The following SLC25A21 variants were observed in gnomAD, a reference collection of about 807,000 sequenced individuals.
The protein encoded by SLC25A21 is solute carrier family 25 member 21, also known as mitochondrial 2-oxodicarboxylate carrier.
Under a neutral mutation model 43.8 loss-of-function variants are expected in SLC25A21, and 47 were observed. The ratio of observed to expected loss-of-function variants is 1.07; its 90% CI spans 0.85 to 1.37. The LOEUF (loss-of-function observed/expected upper bound fraction) is 1.37, where lower values mean the gene tolerates loss of function less well. Among genes scored for constraint, SLC25A21 ranks in the 40% most tolerant of loss-of-function variants. The pLI is 0.00. For synonymous variants in SLC25A21, 131 were observed against 121.3 expected (o/e 1.08, Z -0.52); for missense variants, 352 against 350.2 (o/e 1.00, Z -0.04).
chr14:37,160,653 G>C (rs565746971), intron 1 of SLC25A21, among the ~76,000 whole-genome samples: 2 of 152,158 alleles, frequency 1.3e-5, no homozygotes, highest in African/African-American at 4.8e-5. Context: ...ATTCAGGCCA[G>C]GTGCGGTGGC....
At chr14:36,889,258 C>A (rs964966754) in intron 1 of SLC25A21, among the ~76,000 whole-genome samples, 3 of 152,166 alleles carry the variant, frequency 2.0e-5, no homozygotes, top group Non-Finnish European at 2.9e-5. Flanking sequence ...AAGATTTCTA[C>A]TAGGTGTGGA....
At chr14:36,703,402 G>A (rs748697461) in intron 7 of SLC25A21, among the ~76,000 whole-genome samples, 1 of 152,198 alleles carries the variant, frequency 6.6e-6, no homozygotes, top group Non-Finnish European at 1.5e-5. Context: ...TACCTTGGAA[G>A]AAAATAAATA....
chr14:36,955,622 C>A (rs186212119), intron 1 of SLC25A21, among the ~76,000 whole-genome samples: 15 of 152,048 alleles, frequency 9.9e-5, no homozygotes, highest in African/African-American at 3.1e-4. Flanking sequence ...AGATGACAAA[C>A]CAAGATTAAA....
At chr14:36,794,321 A>G (rs1887595194) in intron 3 of SLC25A21, among the ~76,000 whole-genome samples, 1 of 144,410 alleles carries the variant, frequency 6.9e-6, no homozygotes, top group Admixed American at 6.9e-5. Context: ...CTCTCACTTT[A>G]TTTAAAGTTT....
At chr14:36,791,104 A>G (rs1887470764) in intron 3 of SLC25A21, among the ~76,000 whole-genome samples, 1 of 152,160 alleles carries the variant, frequency 6.6e-6, no homozygotes, top group Non-Finnish European at 1.5e-5. Context: ...GAACTGTGAT[A>G]TATTTCTAGA....
At chr14:37,025,695 G>A (rs990376414) in intron 1 of SLC25A21, among the ~76,000 whole-genome samples, 8 of 152,154 alleles carry the variant, frequency 5.3e-5, no homozygotes, top group Middle Eastern at 3.4e-3. Context: ...CTACTCACTC[G>A]TGTAGGGCAA....
chr14:37,172,574 G>A lies in SLC25A21; in HGVS notation c.-224C>T, dbSNP rs755585934. On this transcript the variant is annotated 5_prime_UTR_variant, in exon 1 of 10. Coordinates refer to ENST00000331299, the MANE Select transcript of SLC25A21 (RefSeq NM_030631.4). The stretch of plus-strand genomic sequence containing the variant: ...CTGTTCGCAGCGCTCTCGCAGAGGC[G>A]CCCTCGGCTCCGAAAATGTCTCTGG... 3 of 700,922 alleles carry A rather than the reference G, an allele frequency of 4.3e-6. No individual in the cohort carries two copies. Among genetic ancestry groups the A allele is most frequent in the South Asian group, 1.5e-5 (1 of 66,784 alleles). 43.4% of individuals were successfully genotyped at this position (700,922 alleles called of 1,614,324 possible). A position where few individuals can be genotyped will look rare whatever the true frequency, so the allele number is the denominator to read the frequency against.
Position 37,055,096 on chromosome 14 carries a change from G to A in SLC25A21, c.70+117185C>T, listed in dbSNP as rs112793958. 2.0e-5 allele frequency among the ~76,000 whole-genome samples: 3 copies of A among 152,300 alleles called. 1 individual carries two copies. Among genetic ancestry groups the A allele is most frequent in the African/African-American group, 7.2e-5 (3 of 41,568 alleles). ...TCAACTGCGGAAATCTTATACCCTT[G>A]TCATCATTGTATGTTAGGTGTATAG... On this transcript the variant is annotated intron_variant, in intron 1 of 9. Coordinates refer to ENST00000331299, the MANE Select transcript of SLC25A21 (RefSeq NM_030631.4).
At chr14:36,840,916 T>C (rs926747519) in intron 2 of SLC25A21, among the ~76,000 whole-genome samples, 1 of 152,184 alleles carries the variant, frequency 6.6e-6, no homozygotes, top group Non-Finnish European at 1.5e-5. Context: ...CTTAGCTCTG[T>C]AACCAAGAAC....
chr14:36,883,696 T>C (rs1460362063), intron 1 of SLC25A21, among the ~76,000 whole-genome samples: 1 of 152,160 alleles, frequency 6.6e-6, no homozygotes, highest in Non-Finnish European at 1.5e-5. Flanking sequence ...ACTGCTACAA[T>C]TATGGGATTC....
chr14:36,733,080 A>G (rs1373704136), intron 4 of SLC25A21, among the ~76,000 whole-genome samples: 1 of 152,186 alleles, frequency 6.6e-6, no homozygotes, highest in Non-Finnish European at 1.5e-5. Flanking sequence ...ATAAGTCTTA[A>G]TCCTCTTAAA....
At chr14:37,105,385 C>A (rs1330604629) in intron 1 of SLC25A21, among the ~76,000 whole-genome samples, 1 of 152,106 alleles carries the variant, frequency 6.6e-6, no homozygotes, top group Non-Finnish European at 1.5e-5. Context: ...TAAGGAGGTG[C>A]AGGCCAAGAG....
At chr14:37,011,093 G>T (rs1370524171) in intron 1 of SLC25A21, among the ~76,000 whole-genome samples, 1 of 152,070 alleles carries the variant, frequency 6.6e-6, no homozygotes, top group African/African-American at 2.4e-5. Context: ...CACCTTGTTG[G>T]CCAGGCTTGT....
chr14:36,839,729 T>C (rs955922266), intron 2 of SLC25A21, among the ~76,000 whole-genome samples: 3 of 152,206 alleles, frequency 2.0e-5, no homozygotes, highest in Non-Finnish European at 4.4e-5. Flanking sequence ...TGCACACACA[T>C]TTTAGAATGT....
intron 1 of SLC25A21, among the ~76,000 whole-genome samples, chr14:36,965,662 T>C (rs1959596402): frequency 6.6e-6 from 1 of 152,200 alleles, no homozygotes; most frequent in African/African-American, 2.4e-5. Flanking sequence ...GTGAGTTCAA[T>C]ATTTCTTGGA....
chr14:36,790,527 C>A (rs930558739), intron 3 of SLC25A21, among the ~76,000 whole-genome samples: 1 of 152,146 alleles, frequency 6.6e-6, no homozygotes, highest in Non-Finnish European at 1.5e-5. Flanking sequence ...TTATTTTGCA[C>A]ATGAACCTAT....
intron 2 of SLC25A21, among the ~76,000 whole-genome samples, chr14:36,873,388 C>G (rs556712912): frequency 1.3e-5 from 2 of 152,018 alleles, no homozygotes; most frequent in Admixed American, 6.6e-5. Context: ...CTCTACCTCC[C>G]GGGTTCAAGT....
At chr14:36,731,812 TC>T (rs1264149996) in intron 4 of SLC25A21, among the ~76,000 whole-genome samples, 1 of 152,132 alleles carries the variant, frequency 6.6e-6, no homozygotes, top group Non-Finnish European at 1.5e-5. Context: ...AGCCTGCTCT[TC>T]CCTGGTACTC....
intron 1 of SLC25A21, among the ~76,000 whole-genome samples, chr14:36,895,571 C>T (rs1268966846): frequency 2.6e-5 from 4 of 152,058 alleles, no homozygotes; most frequent in Non-Finnish European, 5.9e-5. Flanking sequence ...TTATTTCTTG[C>T]CTTCTGCTAG....
Sources: gnomAD v4.1 joint callset for allele counts (sites outside exome capture counted in the v4.1 genomes callset) on GRCh38, gnomAD v4.1.1 for gene constraint, MANE v1.5 for transcripts, NCBI Gene and HGNC (gene_info 2026-07-23, HGNC 2026-07-21) for gene names.